The following GRB2 variants were observed in gnomAD, a reference collection of about 807,000 sequenced individuals.
The protein encoded by GRB2 is growth factor receptor bound protein 2, also known as growth factor receptor-bound protein 2.
GRB2 carries 2 observed loss-of-function variants against 27.4 expected under a neutral mutation model. The observed-to-expected ratio is 0.07, with a 90% CI of 0.03 to 0.23. The LOEUF is 0.23. GRB2 is among the 10% of genes least tolerant of loss of function. GRB2 has a pLI of 1.00. For synonymous variants in GRB2, 94 were observed against 99.6 expected (o/e 0.94, Z 0.33); for missense variants, 102 against 282.4 (o/e 0.36, Z 4.58).
chr17:75,352,636 A>C (rs2078699790), intron 2 of GRB2, among the ~76,000 whole-genome samples: 1 of 152,172 alleles, frequency 6.6e-6, no homozygotes, highest in Non-Finnish European at 1.5e-5. Context: ...GATCAGACAT[A>C]TTATGTGACA....
intron 2 of GRB2, among the ~76,000 whole-genome samples, chr17:75,386,745 GT>G (rs2078966169): frequency 6.6e-6 from 1 of 152,230 alleles, no homozygotes; most frequent in Admixed American, 6.5e-5. Context: ...GGGTATCCAT[GT>G]ATTGTGATGG....
At chr17:75,339,193 ATG>A in intron 2 of GRB2, 1 of 545,838 alleles carries the variant, frequency 1.8e-6, no homozygotes, top group Non-Finnish European at 3.1e-6. Flanking sequence ...TCCTGAGTTT[ATG>A]TTTTTTTTTT....
chr17:75,331,324 T>A (rs1027168476), intron 3 of GRB2, among the ~76,000 whole-genome samples: 4 of 152,192 alleles, frequency 2.6e-5, no homozygotes, highest in African/African-American at 7.2e-5. Context: ...TGCTTCTCCA[T>A]CAATTCTTCT....
At chr17:75,341,495 G>A (rs569911493) in intron 2 of GRB2, among the ~76,000 whole-genome samples, 5 of 148,030 alleles carry the variant, frequency 3.4e-5, no homozygotes, top group Admixed American at 6.8e-5. Context: ...AAGGGTATTT[G>A]TTAGTCAGGT....
At position 75,320,808 on chromosome 17, in the gene GRB2, C is replaced by T. The variant is rs931334206; in HGVS notation, c.469-255G>A. Among the ~76,000 whole-genome samples, 4 of 152,004 alleles carry T rather than the reference C, an allele frequency of 2.6e-5. No homozygotes were observed. Among genetic ancestry groups the T allele is most frequent in the African/African-American group, 4.8e-5 (2 of 41,376 alleles). On this transcript the variant is annotated intron_variant, in intron 5 of 5. Coordinates refer to ENST00000316804, the MANE Select transcript of GRB2 (RefSeq NM_002086.5). This position sits in a 1 kb window ranked among gnomAD's most constrained non-coding sequence, Gnocchi z 4.3. ...CCCAGAGGAGGGTGGCCAACTGTGC[C>T]GTATTATCAAGTAGAGGGCAGGCAG...
intron 2 of GRB2, among the ~76,000 whole-genome samples, chr17:75,334,406 T>C (rs1212620769): frequency 6.6e-6 from 1 of 151,932 alleles, no homozygotes; most frequent in Admixed American, 6.6e-5. Context: ...CTCCTGACCT[T>C]GTGATCCACC....
chr17:75,347,728 C>G (rs1273075515), intron 2 of GRB2, among the ~76,000 whole-genome samples: 1 of 152,126 alleles, frequency 6.6e-6, no homozygotes, highest in Non-Finnish European at 1.5e-5. Flanking sequence ...CATACCCAGC[C>G]CAGCCATGAG....
At chr17:75,361,099 T>C (rs957897357) in intron 2 of GRB2, among the ~76,000 whole-genome samples, 1 of 152,152 alleles carries the variant, frequency 6.6e-6, no homozygotes, top group Non-Finnish European at 1.5e-5. Flanking sequence ...AGGTACAATA[T>C]ATTGTGTACC....
At chr17:75,394,322 C>T (rs779772426) in intron 1 of GRB2, 1 of 152,320 alleles carries the variant, frequency 6.6e-6, no homozygotes, top group Non-Finnish European at 1.5e-5. Flanking sequence ...TGATCTGCTC[C>T]CAGGAGAGCA....
At position 75,395,842 on chromosome 17, in the gene GRB2, T is replaced by G. The variant is rs1439948011; in HGVS notation, c.-137-2077A>C. On this transcript the variant is annotated intron_variant, in intron 1 of 5. Transcript: ENST00000316804. ...CTAAAACCAATCATACTTTTTGTGT[T>G]TTTTTTTTTTTCTTTTTTGAGATAG... 2.2e-3 allele frequency among the ~76,000 whole-genome samples: 6 copies of G among 2,740 alleles called. No homozygotes were observed. In the South Asian group the frequency reaches 0.046, roughly 21 times the overall value. 1.8% of individuals were successfully genotyped at this position (2,740 alleles called of 152,430 possible). A position where few individuals can be genotyped will look rare whatever the true frequency, so the allele number is the denominator to read the frequency against.
chr17:75,321,169 CTTTTTTTTTTTTTTTT>C (rs61287852), intron 5 of GRB2, among the ~76,000 whole-genome samples: 9 of 120,064 alleles, frequency 7.5e-5, no homozygotes, highest in Admixed American at 1.7e-4. Context: ...AACAACAAAT[CTTTTTTTTTTTTTTTT>C]TTTTTTTTTG....
chr17:75,342,498 AG>A (rs1365858202), intron 2 of GRB2, among the ~76,000 whole-genome samples: 4 of 152,082 alleles, frequency 2.6e-5, no homozygotes, highest in Non-Finnish European at 5.9e-5. Flanking sequence ...TCCAATTCCT[AG>A]GCTCAAGCGA....
intron 3 of GRB2, among the ~76,000 whole-genome samples, chr17:75,328,582 C>T (rs7219341): frequency 0.58 from 86,209 of 148,840 alleles, 29,660 homozygotes; most frequent in East Asian, 0.85. Context: ...GCAGAGGTTG[C>T]GGTGAGCCGA....
chr17:75,383,785 T>A (rs1423642926), intron 2 of GRB2, among the ~76,000 whole-genome samples: 2 of 152,102 alleles, frequency 1.3e-5, no homozygotes, highest in East Asian at 1.9e-4. Flanking sequence ...GAGGTTGCAG[T>A]CAGCCAAGAC....
At chr17:75,369,288 A>G (rs899576543) in intron 2 of GRB2, among the ~76,000 whole-genome samples, 1 of 152,232 alleles carries the variant, frequency 6.6e-6, no homozygotes, top group Admixed American at 6.5e-5. Context: ...GGAGTTCACA[A>G]TGCGACATAT....
intron 2 of GRB2, 87 bp from the exon 3 acceptor site, chr17:75,332,884 G>GA: frequency 1.2e-6 from 1 of 844,474 alleles, no homozygotes; most frequent in Non-Finnish European, 1.9e-6. Flanking sequence ...CTATCTTTTA[G>GA]GTCTGTGAAC....
At chr17:75,379,121 ATGG>A (rs1157323442) in intron 2 of GRB2, among the ~76,000 whole-genome samples, 2 of 152,136 alleles carry the variant, frequency 1.3e-5, no homozygotes, top group Non-Finnish European at 2.9e-5. Context: ...GTTATGTTTT[ATGG>A]TACCCAGGAA....
chr17:75,395,781 T>C (rs187376025), intron 1 of GRB2, among the ~76,000 whole-genome samples: 2 of 152,278 alleles, frequency 1.3e-5, no homozygotes, highest in Admixed American at 1.3e-4. Flanking sequence ...AGTAGTATGT[T>C]ATGAAATACT....
intron 2 of GRB2, among the ~76,000 whole-genome samples, chr17:75,358,916 A>AAAAAT (rs1555611095): frequency 5.1e-5 from 4 of 78,538 alleles, no homozygotes; most frequent in Admixed American, 1.8e-4. Context: ...TATATATATA[A>AAAAAT]ATATATATAT....
Sources: gnomAD v4.1 joint callset for allele counts (sites outside exome capture counted in the v4.1 genomes callset) on GRCh38, gnomAD v4.1.1 for gene constraint, Gnocchi (gnomAD v3.1) non-coding constraint, MANE v1.5 for transcripts, NCBI Gene and HGNC (gene_info 2026-07-23, HGNC 2026-07-21) for gene names.